The following CPLANE1 variants were observed in gnomAD, a reference collection of about 807,000 sequenced individuals.
CPLANE1 encodes ciliogenesis and planar polarity effector complex subunit 1.
CPLANE1 carries 263 observed loss-of-function variants against 362.5 expected under a neutral mutation model. The observed-to-expected ratio is 0.73, with a 90% CI of 0.66 to 0.80. CPLANE1 has a LOEUF of 0.80. CPLANE1 is among the 30% of genes least tolerant of loss of function. The pLI, the probability that CPLANE1 is intolerant of heterozygous loss-of-function variation, is 0.00. For synonymous variants in CPLANE1, 1,212 were observed against 1,302.6 expected (o/e 0.93, Z 1.50); for missense variants, 3,461 against 3,793.4 (o/e 0.91, Z 2.30).
chr5:37,119,974 G>A (rs559433003), intron 50 of CPLANE1, among the ~76,000 whole-genome samples: 3 of 150,744 alleles, frequency 2.0e-5, no homozygotes, highest in South Asian at 2.1e-4. Flanking sequence ...GTGACAGAGC[G>A]AGACTCTGCC....
At chr5:37,162,684 A>ATT (rs1184706836) in intron 37 of CPLANE1, 118 bp from the exon 38 acceptor site, 348 of 505,126 alleles carry the variant, frequency 6.9e-4, no homozygotes, top group Middle Eastern at 2.7e-3. Flanking sequence ...ATGTTATTAA[A>ATT]TTTTTTTTTT....
At chr5:37,092,235 T>C in the CPLANE1 span, among the ~76,000 whole-genome samples, 5 of 152,184 alleles carry the variant, frequency 3.3e-5, no homozygotes, top group African/African-American at 1.2e-4. Context: ...ATGGCATACA[T>C]TGGACTAAGG....
the CPLANE1 span, among the ~76,000 whole-genome samples, chr5:37,099,109 C>T: frequency 9.9e-5 from 15 of 152,000 alleles, no homozygotes; most frequent in African/African-American, 2.7e-4. Flanking sequence ...AATGAAGTTG[C>T]TTTTTTTACA....
At chr5:37,188,191 C>G (rs188986350) in intron 21 of CPLANE1, among the ~76,000 whole-genome samples, 1 of 152,076 alleles carries the variant, frequency 6.6e-6, no homozygotes, top group Admixed American at 6.5e-5. Flanking sequence ...CCTACTATAT[C>G]TTAGATATCT....
chr5:37,215,820 ATTTTTTTC>A (rs540864595), intron 15 of CPLANE1, among the ~76,000 whole-genome samples: 58 of 141,940 alleles, frequency 4.1e-4, no homozygotes, highest in African/African-American at 1.4e-3. Flanking sequence ...CTGATATAAG[ATTTTTTTC>A]TTTTTTTCTT....
intron 18 of CPLANE1, among the ~76,000 whole-genome samples, chr5:37,203,570 G>A (rs183031626): frequency 2.7e-4 from 41 of 152,304 alleles, no homozygotes; most frequent in African/African-American, 9.6e-4. Context: ...CTGGAGTGCA[G>A]TGGCACAATC....
In CPLANE1 at chr5:37,198,791, G is replaced by T. The variant is rs1561575267; in HGVS notation, c.3583C>A (p.Leu1195Ile). The change falls in exon 20 of 53, where the codon CTC becomes ATC. Residue 1195 changes from leucine to isoleucine, a missense_variant. By Grantham distance (5) the Leu-to-Ile change is conservative. Coordinates refer to ENST00000651892, the MANE Select transcript of CPLANE1 (RefSeq NM_001384732.1). ...QKVSGILQRV[L>I]LLFRAAQCSF... ...CACTGAGCCGCCCGGAAAAGCAGGAGAACACGCTGAAGGATTCCAGATACC... is the reference window on the plus strand; with the variant it reads ...CACTGAGCCGCCCGGAAAAGCAGGATAACACGCTGAAGGATTCCAGATACC... The T allele has an allele frequency of 5.6e-6, 9 of 1,614,026 alleles. No homozygotes were observed. The highest frequency in any genetic ancestry group is 7.6e-6 in the Non-Finnish European group (9 of 1,179,998).
intron 32 of CPLANE1, among the ~76,000 whole-genome samples, chr5:37,170,660 G>A (rs185435722): frequency 1.2e-3 from 180 of 152,226 alleles, no homozygotes; most frequent in Non-Finnish European, 2.3e-3. Context: ...AGAATAGGCC[G>A]GGCACAGTGG....
intron 1 of CPLANE1, among the ~76,000 whole-genome samples, chr5:37,248,942 C>T (rs1740777841): frequency 6.6e-6 from 1 of 152,232 alleles, no homozygotes; most frequent in African/African-American, 2.4e-5. Context: ...GACTCGGGTC[C>T]GGTGCCGAGG....
rs1581064850 is a variant in CPLANE1 at position 37,245,534 on chromosome 5, A to G, written c.282T>C (p.Cys94=). The change falls in exon 4 of 53, where the codon TGT becomes TGC. Residue 94 remains cysteine (C), a synonymous_variant. Coordinates refer to ENST00000651892, the MANE Select transcript of CPLANE1 (RefSeq NM_001384732.1). ...TTTCAGTTATTGGTATAGTTTTCAA[A>G]CAATCTTGATCTTTGTTCCAAAGGA... ...ELFLWNKDQD[C]LKTIPITEKP... is the part of the protein sequence containing the mutation. 1 of 1,508,218 alleles carries G rather than the reference A, an allele frequency of 6.6e-7. No homozygotes were observed. Among genetic ancestry groups the G allele is most frequent in the East Asian group, 2.6e-5 (1 of 39,190 alleles). The allele number at this position is 1,508,218 out of a possible 1,614,324, so 93.4% of individuals were successfully genotyped here. A position where few individuals can be genotyped will look rare whatever the true frequency, so the allele number is the denominator to read the frequency against.
At position 37,227,028 on chromosome 5, in the gene CPLANE1, T is replaced by C; in HGVS notation, c.1567A>G (p.Asn523Asp). Residue 523 changes from asparagine to aspartate, a missense_variant, in exon 12 of 53, where the codon AAC (asparagine) becomes GAC (aspartate). This residue lies in a region of CPLANE1 where 3,380 missense variants were observed against 3,666.1 expected (regional missense o/e 0.92). Transcript: ENST00000651892. ...CTTTTGTTCCAAAAAGGACATAAGTTGTCTGGAAAGTGTCTGCCTTCGTTA... is the reference window on the plus strand; with the variant it reads ...CTTTTGTTCCAAAAAGGACATAAGTCGTCTGGAAAGTGTCTGCCTTCGTTA... ...ETNEGRHFPDNLCPFWNKRDD... is the reference protein window; with the variant it reads ...ETNEGRHFPDDLCPFWNKRDD... 1 of 1,548,218 alleles carries C rather than the reference T, an allele frequency of 6.5e-7. No homozygotes were observed. Among genetic ancestry groups the C allele is most frequent in the Non-Finnish European group, 8.7e-7 (1 of 1,146,100 alleles).
At chr5:37,137,664 C>A (rs1401944099) in intron 46 of CPLANE1, among the ~76,000 whole-genome samples, 1 of 152,200 alleles carries the variant, frequency 6.6e-6, no homozygotes, top group African/African-American at 2.4e-5. Context: ...GAAGGGGAAG[C>A]AAACATGTCC....
At chr5:37,115,346 C>T (rs1467352121) in intron 50 of CPLANE1, among the ~76,000 whole-genome samples, 1 of 152,152 alleles carries the variant, frequency 6.6e-6, no homozygotes, top group South Asian at 2.1e-4. Context: ...AAGCTAGGGA[C>T]ATAATAAGCC....
At chr5:37,162,602 G>C in intron 37 of CPLANE1, 36 bp from the exon 38 acceptor site, 1 of 1,429,564 alleles carries the variant, frequency 7.0e-7, no homozygotes, top group Non-Finnish European at 9.8e-7. Context: ...TAATCATTGA[G>C]AAGCTAACAG....
Position 37,182,977 on chromosome 5 carries a change from A to G in CPLANE1, c.5204T>C (p.Leu1735Ser). ...TATACTGCCAAAAGTGTTTAGTGCT[A>G]AAGGAAGATCTTCTTGAGGGTTAAT... ...NDINPQEDLP[L>S]ALNTFGSIGR... The change falls in exon 26 of 53, where the codon TTA (leucine) becomes TCA (serine). Residue 1735 changes from leucine to serine, a missense_variant. Transcript: ENST00000651892. 3 of 1,609,162 alleles carry G rather than the reference A, an allele frequency of 1.9e-6. No homozygotes were observed. Among genetic ancestry groups the G allele is most frequent in the Non-Finnish European group, 2.5e-6 (3 of 1,177,578 alleles).
chr5:37,142,174 A>C, intron 44 of CPLANE1, 136 bp downstream of exon 44: 1 of 1,276,646 alleles, frequency 7.8e-7, no homozygotes. Context: ...CAAAAGTTTT[A>C]ACTTTCCTTC....
intron 9 of CPLANE1, 27 bp downstream of exon 9, chr5:37,230,840 C>T: frequency 3.7e-6 from 5 of 1,346,234 alleles, no homozygotes; most frequent in Non-Finnish European, 4.8e-6. Flanking sequence ...AATCTATAAA[C>T]AAATTAACAC....
chr5:37,186,294 A>G lies in CPLANE1; in HGVS notation c.4181T>C (p.Val1394Ala), dbSNP rs113930638. 22 of 1,480,404 alleles carry G rather than the reference A, an allele frequency of 1.5e-5. No individual in the cohort carries two copies. In the African/African-American group the frequency reaches 2.8e-4, roughly 19 times the overall value. 91.7% of individuals were successfully genotyped at this position (1,480,404 alleles called of 1,614,324 possible). A position where few individuals can be genotyped will look rare whatever the true frequency, so the allele number is the denominator to read the frequency against. Reference protein sequence around the residue: ...HSLHQRLRHCVVKGPQTEEMM... With the variant: ...HSLHQRLRHCAVKGPQTEEMM... ...GAAACAACAAATAATACCTTTCACAACACAGTGTCTGAGTCTCTGGTGAAG... is the reference window on the plus strand; with the variant it reads ...GAAACAACAAATAATACCTTTCACAGCACAGTGTCTGAGTCTCTGGTGAAG... The change falls in exon 24 of 53, where the codon GTT becomes GCT. Residue 1394 changes from valine (V) to alanine (A), a missense_variant. Physicochemically the swap from Val to Ala is moderately conservative, Grantham distance 64. Coordinates refer to ENST00000651892, the MANE Select transcript of CPLANE1 (RefSeq NM_001384732.1).
intron 12 of CPLANE1, among the ~76,000 whole-genome samples, chr5:37,225,452 C>G (rs1248357618): frequency 2.0e-5 from 3 of 151,790 alleles, no homozygotes; most frequent in African/African-American, 7.3e-5. Context: ...GTTGCCCAAG[C>G]TAGTCCTGGG....
Sources: allele counts gnomAD v4.1 joint callset (sites outside exome capture counted in the v4.1 genomes callset), GRCh38; gene constraint gnomAD v4.1.1; regional missense constraint gnomAD v4.1.1; transcripts MANE v1.5; gene names NCBI Gene and HGNC (gene_info 2026-07-23, HGNC 2026-07-21).